C13orf42: variants seen among roughly 807,000 people sequenced by gnomAD.
C13orf42 encodes the protein chromosome 13 open reading frame 42.
intron 1 of C13orf42, among the ~76,000 whole-genome samples, chr13:51,171,279 T>C (rs1462564166): frequency 1.3e-5 from 2 of 152,124 alleles, no homozygotes; most frequent in Non-Finnish European, 2.9e-5. Flanking sequence ...TAGTTCCAAA[T>C]AGCCAGAAAA....
intron 1 of C13orf42, among the ~76,000 whole-genome samples, chr13:51,106,717 C>T (rs1953360095): frequency 1.3e-5 from 2 of 152,130 alleles, no homozygotes; most frequent in African/African-American, 4.8e-5. Context: ...GCAAGAAACA[C>T]CCAAGGTGCC....
At chr13:51,102,478 A>C (rs1206009303) in intron 1 of C13orf42, among the ~76,000 whole-genome samples, 1 of 152,222 alleles carries the variant, frequency 6.6e-6, no homozygotes, top group Non-Finnish European at 1.5e-5. Context: ...CTATTTTCAG[A>C]ATAAAACTAT....
In C13orf42 at chr13:51,110,807, T is replaced by C; in HGVS notation, c.403A>G (p.Lys135Glu). The C allele has an allele frequency of 2.5e-6, 1 of 398,670 alleles. No homozygotes were observed. The highest frequency in any genetic ancestry group is 4.4e-6 in the Non-Finnish European group (1 of 226,060). 24.7% of individuals were successfully genotyped at this position (398,670 alleles called of 1,614,324 possible). A position where few individuals can be genotyped will look rare whatever the true frequency, so the allele number is the denominator to read the frequency against. ...TCAGCAGCACTTACCTTTATTTCTT[T>C]GGGAGTAGACCGGACAGGAGTCTTT... Reference protein sequence around the residue: ...GKKTPVRSTPKEIKKATPKKY... With the variant: ...GKKTPVRSTPEEIKKATPKKY... Residue 135 changes from lysine to glutamate, a missense_variant, in exon 1 of 4, where the codon AAA becomes GAA. By Grantham distance (56) the Lys-to-Glu change is moderately conservative. Transcript: ENST00000563710.
Position 51,103,926 on chromosome 13 carries a change from T to G in C13orf42, c.414+6870A>C, listed in dbSNP as rs531927428. 2.6e-5 allele frequency among the ~76,000 whole-genome samples: 4 copies of G among 152,228 alleles called. No individual in the cohort carries two copies. The East Asian group carries it at 7.7e-4, about 29-fold the overall frequency. On this transcript the variant is annotated intron_variant, in intron 1 of 3. Transcript: ENST00000563710. Reference sequence around the variant, plus strand: ...GTGTTCGATGGGTGCAGTTTCTGTTTGGAATGAAAAAGTTGTGGAGATGGA... The same window carrying G: ...GTGTTCGATGGGTGCAGTTTCTGTTGGGAATGAAAAAGTTGTGGAGATGGA...
At chr13:51,084,961 T>G (rs1953106435) in intron 3 of C13orf42, among the ~76,000 whole-genome samples, 1 of 152,060 alleles carries the variant, frequency 6.6e-6, no homozygotes, top group Non-Finnish European at 1.5e-5. Context: ...GGTGCTATGC[T>G]CTGTTGAACC....
intron 1 of C13orf42, among the ~76,000 whole-genome samples, chr13:51,125,232 G>A (rs1408393536): frequency 1.3e-5 from 2 of 152,138 alleles, no homozygotes; most frequent in Admixed American, 1.3e-4. Context: ...AGGTTTGCAG[G>A]AAGATTGGCA....
chr13:51,170,864 G>A (rs1440198399), intron 1 of C13orf42, among the ~76,000 whole-genome samples: 2 of 151,712 alleles, frequency 1.3e-5, no homozygotes, highest in African/African-American at 4.8e-5. Context: ...GCAGGGGCAA[G>A]TACCCCTCAA....
rs1007111864 is a variant in C13orf42 at position 51,087,927 on chromosome 13, C to T, written c.562+1G>A. ...CTTCCCACTGCCTTCCTGGCACTCA[C>T]CGTCAAAGTCCACATCTTCATTTGG... is the stretch of plus-strand genomic sequence containing the variant. On this transcript the variant is annotated splice_donor_variant, in intron 2 of 3. Coordinates refer to ENST00000563710, the MANE Select transcript of C13orf42 (RefSeq NM_001351589.3). LOFTEE classifies it high-confidence loss of function. 2 of 399,088 alleles carry T rather than the reference C, an allele frequency of 5.0e-6. No homozygotes were observed. The allele number at this position is 399,088 out of a possible 1,614,324, so 24.7% of individuals were successfully genotyped here.
chr13:51,087,169 C>T (rs1953136905), intron 2 of C13orf42, among the ~76,000 whole-genome samples: 1 of 152,186 alleles, frequency 6.6e-6, no homozygotes. Context: ...GGGTGCTCAA[C>T]TGATGAATGT....
chr13:51,166,581 CTTAAAGTA>C (rs1953903606), intron 1 of C13orf42, among the ~76,000 whole-genome samples: 1 of 137,672 alleles, frequency 7.3e-6, no homozygotes, highest in South Asian at 2.3e-4. Context: ...TACCCTAAAA[CTTAAAGTA>C]TTAAAAAAAA....
chr13:51,092,905 T>G (rs940315529), intron 1 of C13orf42, among the ~76,000 whole-genome samples: 1 of 152,152 alleles, frequency 6.6e-6, no homozygotes, highest in Non-Finnish European at 1.5e-5. Flanking sequence ...GCCATTTTTG[T>G]TCCTCTATCA....
chr13:51,136,211 A>G (rs1953656555), intron 1 of C13orf42, among the ~76,000 whole-genome samples: 1 of 151,902 alleles, frequency 6.6e-6, no homozygotes, highest in African/African-American at 2.4e-5. Context: ...TAGGCACTTC[A>G]CTTAGATTAT....
chr13:51,156,640 G>C (rs1215639483), intron 1 of C13orf42, among the ~76,000 whole-genome samples: 1 of 152,194 alleles, frequency 6.6e-6, no homozygotes, highest in Non-Finnish European at 1.5e-5. Flanking sequence ...TGGAACAAAA[G>C]ACACCTACCA....
At chr13:51,095,342 T>C (rs1271031979) in intron 1 of C13orf42, among the ~76,000 whole-genome samples, 3 of 152,182 alleles carry the variant, frequency 2.0e-5, no homozygotes, top group African/African-American at 7.2e-5. Flanking sequence ...GCTTGGTTTT[T>C]CTTAACTTCT....
chr13:51,139,826 C>A (rs1953683673), intron 1 of C13orf42, among the ~76,000 whole-genome samples: 1 of 152,186 alleles, frequency 6.6e-6, no homozygotes, highest in Non-Finnish European at 1.5e-5. Flanking sequence ...GAGCAACCAG[C>A]AGCCCTCAGA....
intron 3 of C13orf42, among the ~76,000 whole-genome samples, 192 bp downstream of exon 3, chr13:51,085,127 T>A (rs1953107678): frequency 1.3e-5 from 2 of 149,900 alleles, no homozygotes; most frequent in African/African-American, 4.9e-5. Context: ...CAGGCTAGAG[T>A]GCAGACTACC....
At chr13:51,099,403 GA>G (rs1207999886) in intron 1 of C13orf42, among the ~76,000 whole-genome samples, 1 of 151,906 alleles carries the variant, frequency 6.6e-6, no homozygotes, top group African/African-American at 2.4e-5. Flanking sequence ...CAGGGCTGAA[GA>G]AAAAAATCAG....
At chr13:51,087,123 A>T (rs1953136168) in intron 2 of C13orf42, among the ~76,000 whole-genome samples, 1 of 152,234 alleles carries the variant, frequency 6.6e-6, no homozygotes, top group Admixed American at 6.5e-5. Context: ...TCAAAGATTA[A>T]ACAAACTGTC....
intron 1 of C13orf42, among the ~76,000 whole-genome samples, chr13:51,143,982 T>C (rs1953716628): frequency 6.6e-6 from 1 of 152,194 alleles, no homozygotes; most frequent in Non-Finnish European, 1.5e-5. Flanking sequence ...ATCATAATTG[T>C]TATATTAAAA....
Sources: allele counts gnomAD v4.1 joint callset (sites outside exome capture counted in the v4.1 genomes callset), GRCh38; gene constraint gnomAD v4.1.1; transcripts MANE v1.5; gene names NCBI Gene and HGNC (gene_info 2026-07-23, HGNC 2026-07-21).